Variants in MATN2 observed in about 807,000 individuals in gnomAD.
MATN2 encodes matrilin 2.
Under a neutral mutation model 103.2 loss-of-function variants are expected in MATN2, and 69 were observed. That is an observed-to-expected ratio of 0.67 (90% CI 0.55 to 0.82). The LOEUF (loss-of-function observed/expected upper bound fraction) is 0.82. Ranked by LOEUF, MATN2 falls within the 40% of genes least tolerant of loss-of-function variation. The pLI, the probability that MATN2 is intolerant of heterozygous loss-of-function variation, is 0.00. For missense variants in MATN2, 1,023 were observed against 1,211.5 expected (o/e 0.84, Z 2.31); for synonymous variants, 429 against 450.2 (o/e 0.95, Z 0.60).
chr8:98,028,730 G>A (rs1813902578), intron 14 of MATN2, among the ~76,000 whole-genome samples: 1 of 152,082 alleles, frequency 6.6e-6, no homozygotes, highest in African/African-American at 2.4e-5. Flanking sequence ...GGTACTACAG[G>A]CGCCCGCCAC....
At chr8:98,031,093 T>G (rs1347338364) in intron 15 of MATN2, among the ~76,000 whole-genome samples, 1 of 152,114 alleles carries the variant, frequency 6.6e-6, no homozygotes, top group African/African-American at 2.4e-5. Flanking sequence ...CCCAACCATT[T>G]TGGGAGGCTG....
At position 98,036,669 on chromosome 8, in the gene MATN2, C is replaced by T. The variant is rs1395603310; in HGVS notation, c.*957C>T. Reference sequence around the variant, plus strand: ...AATCCATACCACAGAAATACAACACCGCATGTACAGGAATGTGCTACATCT... The same window carrying T: ...AATCCATACCACAGAAATACAACACTGCATGTACAGGAATGTGCTACATCT... On this transcript the variant is annotated 3_prime_UTR_variant, in exon 19 of 19. Transcript: ENST00000254898. The T allele has an allele frequency of 1.3e-5, 2 of 152,078 alleles. No individual in the cohort carries two copies. Among genetic ancestry groups the T allele is most frequent in the African/African-American group, 4.8e-5 (2 of 41,400 alleles). 9.4% of individuals were successfully genotyped at this position (152,078 alleles called of 1,614,324 possible).
Position 98,009,276 on chromosome 8 carries a change from C to T in MATN2, c.1573+1675C>T, listed in dbSNP as rs534156389. ...CCCAGAATGATTCATTCTGACTGTC[C>T]TGTCCTGTAATAATGGGCTAGGTTT... On this transcript the variant is annotated intron_variant, in intron 10 of 18. Coordinates refer to ENST00000254898, the MANE Select transcript of MATN2 (RefSeq NM_002380.5). Among the ~76,000 whole-genome samples, 5 of 152,284 alleles carry T rather than the reference C, an allele frequency of 3.3e-5. No individual in the cohort carries two copies. The South Asian group carries it at 1.0e-3, about 32-fold the overall frequency.
Position 97,994,538 on chromosome 8 carries a change from T to C in MATN2, c.1140T>C (p.Asp380=). 6.2e-7 allele frequency: 1 copy of C among 1,613,752 alleles called. No homozygotes were observed. The highest frequency in any genetic ancestry group is 8.5e-7 in the Non-Finnish European group (1 of 1,179,784). Residue 380 remains aspartate, a synonymous_variant, in exon 7 of 19, where the codon GAT becomes GAC. Transcript: ENST00000254898. ...HGCQHECVNT[D]DSYSCHCLKG... ...GTCAGCACGAGTGTGTTAACACAGA[T>C]GATTCCTATTCCTGCCACTGCCTGA...
chr8:97,876,572 G>C (rs10081406), intron 1 of MATN2, among the ~76,000 whole-genome samples: 135,917 of 152,132 alleles, frequency 0.89, 61,041 homozygotes, highest in Non-Finnish European at 0.94. Context: ...AATCTGCTCG[G>C]CTCAGCCTCC....
At chr8:97,962,172 T>C (rs923587465) in intron 5 of MATN2, among the ~76,000 whole-genome samples, 2 of 152,236 alleles carry the variant, frequency 1.3e-5, no homozygotes, top group African/African-American at 4.8e-5. Flanking sequence ...TTCCTCCTTA[T>C]ACCAACAAAC....
At chr8:97,992,458 A>C (rs1303524580) in intron 6 of MATN2, among the ~76,000 whole-genome samples, 4 of 152,090 alleles carry the variant, frequency 2.6e-5, no homozygotes, top group Non-Finnish European at 1.5e-5. Flanking sequence ...AAAATAATAC[A>C]ATGTCTGGGC....
intron 2 of MATN2, among the ~76,000 whole-genome samples, chr8:97,894,205 C>A (rs1424048382): frequency 6.6e-6 from 1 of 151,870 alleles, no homozygotes; most frequent in East Asian, 1.9e-4. Context: ...CCCCACCACA[C>A]ACACTGCTGG....
rs1345425465 is a variant in MATN2, at chr8:98,026,166, A to C, written c.1943-1250A>C. Among the ~76,000 whole-genome samples the C allele has an allele frequency of 6.6e-5, 8 of 122,130 alleles. No individual in the cohort carries two copies. The South Asian group carries it at 1.2e-3, about 18-fold the overall frequency. The allele number at this position is 122,130 out of a possible 152,430, so 80.1% of individuals were successfully genotyped here. A position where few individuals can be genotyped will look rare whatever the true frequency, so the allele number is the denominator to read the frequency against. On this transcript the variant is annotated intron_variant, in intron 13 of 18. Transcript: ENST00000254898. ...TGCACTTCAGCCTGGGTAACAGAGC[A>C]AGACTCAATCTCAAAAAAAAAAAAA...
In MATN2 at chr8:98,005,326, G is replaced by A. The variant is rs764457511; in HGVS notation, c.1327+1543G>A. Among the ~76,000 whole-genome samples, 76 of 152,270 alleles carry A rather than the reference G, an allele frequency of 5.0e-4. No homozygotes were observed. The highest frequency in any genetic ancestry group is 2.2e-3 in the Admixed American group (34 of 15,302). ...CTTTTGAGAGGCCAGCGGGGAGCGG[G>A]TCTCCCATTCAACAGGAGATGCCCT... On this transcript the variant is annotated intron_variant, in intron 8 of 18. Transcript: ENST00000254898. The surrounding 1 kb of genome is among the most constrained non-coding windows in gnomAD (Gnocchi z 4.6).
At chr8:97,924,880 A>G (rs1809941589) in intron 2 of MATN2, among the ~76,000 whole-genome samples, 1 of 152,126 alleles carries the variant, frequency 6.6e-6, no homozygotes. Context: ...AAAGGACAAA[A>G]TCATTTCATA....
chr8:97,961,770 CAAATAT>C (rs1401015397), intron 5 of MATN2, among the ~76,000 whole-genome samples: 4 of 152,186 alleles, frequency 2.6e-5, no homozygotes, highest in Non-Finnish European at 5.9e-5. Flanking sequence ...ATAATCCATG[CAAATAT>C]AACTGTGTGT....
At chr8:97,912,512 G>A (rs905443404) in intron 2 of MATN2, among the ~76,000 whole-genome samples, 1 of 152,170 alleles carries the variant, frequency 6.6e-6, no homozygotes, top group Admixed American at 6.5e-5. Context: ...AGGGAGTTAC[G>A]ACTTCTGCCA....
At position 97,889,499 on chromosome 8, in the gene MATN2, A is replaced by G. The variant is rs2047961578; in HGVS notation, c.142+1257A>G. Among the ~76,000 whole-genome samples, 3 of 147,520 alleles carry G rather than the reference A, an allele frequency of 2.0e-5. No homozygotes were observed. In the Admixed American group the frequency reaches 2.0e-4, roughly 10 times the overall value. On this transcript the variant is annotated intron_variant, in intron 2 of 18. Transcript: ENST00000254898. Reference sequence around the variant, plus strand: ...TATATATATATATATAAAACTGATGATGCACACAATCTTGGCTCATTGCAA... The same window carrying G: ...TATATATATATATATAAAACTGATGGTGCACACAATCTTGGCTCATTGCAA...
At chr8:97,922,403 A>C (rs569651496) in intron 2 of MATN2, among the ~76,000 whole-genome samples, 35 of 152,176 alleles carry the variant, frequency 2.3e-4, no homozygotes, top group African/African-American at 7.5e-4. Flanking sequence ...GCCTGCCCTT[A>C]TTTCTCACTG....
intron 1 of MATN2, among the ~76,000 whole-genome samples, chr8:97,874,338 C>G (rs1215096552): frequency 6.6e-6 from 1 of 152,110 alleles, no homozygotes; most frequent in Non-Finnish European, 1.5e-5. Flanking sequence ...CCAGCAATGT[C>G]AGGCTGCATC....
At chr8:97,895,710 A>C (rs899083460) in intron 2 of MATN2, among the ~76,000 whole-genome samples, 1 of 152,116 alleles carries the variant, frequency 6.6e-6, no homozygotes, top group African/African-American at 2.4e-5. Context: ...ATGAAAGGCA[A>C]CTCTCATTTA....
At chr8:97,888,399 G>C (rs1288848974) in intron 2 of MATN2, among the ~76,000 whole-genome samples, 157 bp downstream of exon 2, 1 of 152,206 alleles carries the variant, frequency 6.6e-6, no homozygotes, top group Non-Finnish European at 1.5e-5. Context: ...AATGCATCCG[G>C]AGTTGAGCAC....
rs1169966598 is a variant in MATN2 at position 98,032,970 on chromosome 8, T to TA, written c.2582-71dup. ...CAAGTGCTAGGAATACCAAGTACCT[T>TA]ACTCTGCTGATGGCTGTTTTATAAC... On this transcript the variant is annotated intron_variant, in intron 16 of 18. Coordinates refer to ENST00000254898, the MANE Select transcript of MATN2 (RefSeq NM_002380.5). 19 of 1,460,772 alleles carry TA rather than the reference T, an allele frequency of 1.3e-5. No homozygotes were observed. The African/African-American group carries it at 1.7e-4, about 13-fold the overall frequency. The allele number at this position is 1,460,772 out of a possible 1,614,324, so 90.5% of individuals were successfully genotyped here. A position where few individuals can be genotyped will look rare whatever the true frequency, so the allele number is the denominator to read the frequency against.
Sources: gnomAD v4.1 joint callset for allele counts (sites outside exome capture counted in the v4.1 genomes callset) on GRCh38, gnomAD v4.1.1 for gene constraint, Gnocchi (gnomAD v3.1) non-coding constraint, MANE v1.5 for transcripts, NCBI Gene and HGNC (gene_info 2026-07-23, HGNC 2026-07-21) for gene names.